Variants in DRC8 observed in about 807,000 individuals in gnomAD.
DRC8 encodes the protein dynein regulatory complex protein 8.
the DRC8 span, among the ~76,000 whole-genome samples, chr1:245,011,705 C>A: frequency 1.3e-5 from 2 of 152,118 alleles, no homozygotes; most frequent in African/African-American, 4.8e-5. Flanking sequence ...ATTAATTATT[C>A]CTGATAGATG....
At chr1:245,090,792 G>C in the DRC8 span, among the ~76,000 whole-genome samples, 2 of 151,982 alleles carry the variant, frequency 1.3e-5, no homozygotes, top group African/African-American at 4.8e-5. Flanking sequence ...TTTGCCCGTG[G>C]TAGTTCCAGA....
chr1:244,969,745 C>T, the DRC8 span: 1 of 201,512 alleles, frequency 5.0e-6, no homozygotes, highest in Non-Finnish European at 9.9e-6. Context: ...CCAGTTTTTC[C>T]GTTTTAGCTT....
At chr1:245,060,623 T>G in the DRC8 span, among the ~76,000 whole-genome samples, 1 of 152,354 alleles carries the variant, frequency 6.6e-6, no homozygotes, top group South Asian at 2.1e-4. Flanking sequence ...TTAAAGTGTT[T>G]CTGCACAAAG....
the DRC8 span, among the ~76,000 whole-genome samples, chr1:245,029,758 G>T: frequency 6.6e-6 from 1 of 151,760 alleles, no homozygotes; most frequent in East Asian, 1.9e-4. Flanking sequence ...ACCACGCCTG[G>T]CCAATTTTTG....
the DRC8 span, among the ~76,000 whole-genome samples, chr1:245,033,148 T>C: frequency 6.6e-6 from 1 of 152,202 alleles, no homozygotes; most frequent in Non-Finnish European, 1.5e-5. Flanking sequence ...AGCACAGAGC[T>C]GGCACACGGC....
the DRC8 span, among the ~76,000 whole-genome samples, chr1:245,108,234 C>T: frequency 0.18 from 28,092 of 152,100 alleles, 2,707 homozygotes; most frequent in Middle Eastern, 0.3. Context: ...ATTTCCCAGC[C>T]TCCTGCAGTC....
At chr1:244,991,195 T>A in the DRC8 span, among the ~76,000 whole-genome samples, 70 of 152,282 alleles carry the variant, frequency 4.6e-4, no homozygotes, top group African/African-American at 1.6e-3. Flanking sequence ...TGTTTAACAT[T>A]TACTGGTTTA....
At chr1:245,078,267 C>T in the DRC8 span, among the ~76,000 whole-genome samples, 35 of 152,182 alleles carry the variant, frequency 2.3e-4, no homozygotes, top group Admixed American at 9.2e-4. Context: ...GAAAACAGTA[C>T]GGGGGTTTCT....
At chr1:245,092,818 A>T in the DRC8 span, among the ~76,000 whole-genome samples, 1 of 152,278 alleles carries the variant, frequency 6.6e-6, no homozygotes, top group South Asian at 2.1e-4. Context: ...GCTTCCCCGG[A>T]GGTCGAGGCT....
chr1:245,107,556 C>T, the DRC8 span, among the ~76,000 whole-genome samples: 1 of 152,210 alleles, frequency 6.6e-6, no homozygotes, highest in Non-Finnish European at 1.5e-5. Flanking sequence ...GCAGAAGTGC[C>T]GCTGTGGGGC....
At chr1:244,977,239 A>G in the DRC8 span, among the ~76,000 whole-genome samples, 2 of 152,246 alleles carry the variant, frequency 1.3e-5, no homozygotes, top group African/African-American at 2.4e-5. Context: ...ACTTAACACT[A>G]TTGAACTATA....
At chr1:245,068,396 T>A in the DRC8 span, among the ~76,000 whole-genome samples, 1 of 152,150 alleles carries the variant, frequency 6.6e-6, no homozygotes, top group Admixed American at 6.5e-5. Flanking sequence ...TTACATATTA[T>A]TTTTCTGTGT....
the DRC8 span, among the ~76,000 whole-genome samples, chr1:245,094,990 A>G: frequency 6.6e-6 from 1 of 152,218 alleles, no homozygotes. Context: ...AGCAGGACTC[A>G]CTGGAAGGCA....
the DRC8 span, chr1:245,087,047 C>A: frequency 1.3e-6 from 1 of 768,534 alleles, no homozygotes; most frequent in East Asian, 2.8e-5. Context: ...TAAAAGAAGT[C>A]CAGAATCTAC....
At chr1:244,992,784 A>G in the DRC8 span, among the ~76,000 whole-genome samples, 1 of 152,336 alleles carries the variant, frequency 6.6e-6, no homozygotes, top group Non-Finnish European at 1.5e-5. Flanking sequence ...AATGAATTTG[A>G]CGTAGTGCCT....
At chr1:245,115,335 AC>A in the DRC8 span, among the ~76,000 whole-genome samples, 1 of 152,198 alleles carries the variant, frequency 6.6e-6, no homozygotes, top group Non-Finnish European at 1.5e-5. Flanking sequence ...GGCGTGAGCC[AC>A]CCTGCCTGGC....
the DRC8 span, among the ~76,000 whole-genome samples, chr1:245,076,255 A>G: frequency 2.6e-5 from 4 of 152,198 alleles, no homozygotes; most frequent in Non-Finnish European, 4.4e-5. Context: ...CATCATCATC[A>G]TCGTCATGAT....
chr1:245,039,881 C>T, the DRC8 span, among the ~76,000 whole-genome samples: 1 of 152,162 alleles, frequency 6.6e-6, no homozygotes, highest in Admixed American at 6.5e-5. Flanking sequence ...TCAGGGAATA[C>T]ATGATGTTGC....
At chr1:244,981,601 G>A in the DRC8 span, among the ~76,000 whole-genome samples, 2 of 152,172 alleles carry the variant, frequency 1.3e-5, no homozygotes, top group African/African-American at 4.8e-5. Context: ...GTAAGCGCTT[G>A]GAAGTCATCA....
Sources: gnomAD v4.1 joint callset for allele counts (sites outside exome capture counted in the v4.1 genomes callset) on GRCh38, gnomAD v4.1.1 for gene constraint, MANE v1.5 for transcripts, NCBI Gene and HGNC (gene_info 2026-07-23, HGNC 2026-07-21) for gene names.